ETFA: variants seen among roughly 807,000 people sequenced by gnomAD.
ETFA encodes electron transfer flavoprotein subunit alpha, mitochondrial.
Under a neutral mutation model 46.2 loss-of-function variants are expected in ETFA, and 22 were observed. The observed-to-expected ratio is 0.48, with a 90% CI of 0.34 to 0.68. The LOEUF is 0.68. Ranked by LOEUF, ETFA falls within the 30% of genes least tolerant of loss-of-function variation. The probability of loss-of-function intolerance (pLI) is 0.01; values close to 1 mark genes in which losing one functional copy is unlikely to be tolerated. For missense variants in ETFA, 345 were observed against 401.1 expected, an observed-to-expected ratio of 0.86 and a Z score of 1.19; for synonymous variants, 131 against 139.9, an observed-to-expected ratio of 0.94 and a Z score of 0.45.
chr15:76,286,631 C>T, intron 5 of ETFA, 150 bp from the exon 6 acceptor site: 1 of 670,514 alleles, frequency 1.5e-6, no homozygotes, highest in East Asian at 2.8e-5. Context: ...AAAAAATGAA[C>T]CATAACGGTG....
At chr15:76,266,665 A>T (rs1347890277) in intron 9 of ETFA, among the ~76,000 whole-genome samples, 1 of 152,174 alleles carries the variant, frequency 6.6e-6, no homozygotes, top group African/African-American at 2.4e-5. Flanking sequence ...GCACTTTGGG[A>T]GGCCAAGGCG....
At chr15:76,265,905 T>G (rs1180923414) in intron 9 of ETFA, among the ~76,000 whole-genome samples, 1 of 152,176 alleles carries the variant, frequency 6.6e-6, no homozygotes, top group Non-Finnish European at 1.5e-5. Flanking sequence ...CAGTGGCCAT[T>G]GTTGAGCCTC....
chr15:76,217,952 C>T (rs1031613289), intron 11 of ETFA, among the ~76,000 whole-genome samples: 6 of 152,356 alleles, frequency 3.9e-5, no homozygotes, highest in Middle Eastern at 6.8e-3. Flanking sequence ...CCCATGTTTA[C>T]CATGGAGCCA....
At chr15:76,295,891 A>G (rs1205294224) in intron 1 of ETFA, among the ~76,000 whole-genome samples, 154 bp from the exon 2 acceptor site, 6 of 145,808 alleles carry the variant, frequency 4.1e-5, no homozygotes, top group Non-Finnish European at 9.0e-5. Context: ...CTTGTTCTAT[A>G]GCGAAAATCT....
chr15:76,273,882 C>T (rs1042953544), intron 9 of ETFA, among the ~76,000 whole-genome samples: 14 of 152,210 alleles, frequency 9.2e-5, no homozygotes, highest in African/African-American at 3.1e-4. Flanking sequence ...TTTAGACAGG[C>T]TTAACTGAAG....
intron 9 of ETFA, among the ~76,000 whole-genome samples, chr15:76,234,597 G>C (rs2039104039): frequency 6.6e-6 from 1 of 152,142 alleles, no homozygotes. Flanking sequence ...GGAACCAACA[G>C]AAACAGAAAG....
intron 9 of ETFA, among the ~76,000 whole-genome samples, chr15:76,265,581 C>T (rs927061242): frequency 6.6e-6 from 1 of 152,180 alleles, no homozygotes; most frequent in Non-Finnish European, 1.5e-5. Flanking sequence ...CAAAAGACTT[C>T]CACGGGTATC....
intron 8 of ETFA, among the ~76,000 whole-genome samples, chr15:76,276,292 G>C (rs2039590688): frequency 6.6e-6 from 1 of 151,850 alleles, no homozygotes; most frequent in Admixed American, 6.6e-5. Flanking sequence ...CTGCTTGCAT[G>C]GTTTCTGAAA....
Position 76,231,351 on chromosome 15 carries a change from A to C in ETFA, c.864T>G (p.Ala288=). The C allele has an allele frequency of 3.1e-6, 5 of 1,606,458 alleles. No homozygotes were observed. Among genetic ancestry groups the C allele is most frequent in the Non-Finnish European group, 4.3e-6 (5 of 1,173,006 alleles). The part of the protein sequence containing the change: ...VGISGAIQHL[A]GMKDSKTIVA... ...CAATTACCTTGCTGTCTTTCATCCC[A>C]GCTAAATGTTGGATGGCTCCAGATA... Residue 288 remains alanine (A), a synonymous_variant, in exon 10 of 12, where the codon GCT becomes GCG. Coordinates refer to ENST00000557943, the MANE Select transcript of ETFA (RefSeq NM_000126.4).
intron 1 of ETFA, among the ~76,000 whole-genome samples, chr15:76,303,386 C>T (rs1481841761): frequency 6.6e-6 from 1 of 152,092 alleles, no homozygotes. Context: ...TAGGAAATGG[C>T]ATTTTGAACA....
chr15:76,240,905 C>A (rs973563267), intron 9 of ETFA, among the ~76,000 whole-genome samples: 38 of 151,226 alleles, frequency 2.5e-4, no homozygotes, highest in African/African-American at 8.5e-4. Context: ...CAGAATAAGA[C>A]CCCACCTCTA....
chr15:76,278,540 G>A (rs796266204), intron 8 of ETFA, among the ~76,000 whole-genome samples: 11 of 152,190 alleles, frequency 7.2e-5, no homozygotes, highest in African/African-American at 2.4e-4. Flanking sequence ...CAGCATTACT[G>A]GAGAAAACAT....
intron 1 of ETFA, 49 bp from the exon 2 acceptor site, chr15:76,295,786 G>GGT: frequency 9.1e-7 from 1 of 1,102,222 alleles, no homozygotes; most frequent in Non-Finnish European, 1.3e-6. Context: ...TTGTCACAGG[G>GGT]TTTTTTTTTT....
At chr15:76,221,318 TG>T (rs551042009) in intron 11 of ETFA, among the ~76,000 whole-genome samples, 2,323 of 152,274 alleles carry the variant, frequency 0.015, 23 homozygotes, top group Middle Eastern at 0.024. Flanking sequence ...TGCCAGGAGC[TG>T]GGGCTGGGGG....
intron 2 of ETFA, among the ~76,000 whole-genome samples, chr15:76,292,920 C>T (rs1214507769): frequency 2.0e-5 from 3 of 152,090 alleles, no homozygotes; most frequent in African/African-American, 7.2e-5. Context: ...GGCAGATCAC[C>T]GGAGTCAAGA....
intron 2 of ETFA, among the ~76,000 whole-genome samples, chr15:76,294,446 T>C (rs973676597): frequency 6.6e-6 from 1 of 152,198 alleles, no homozygotes; most frequent in Non-Finnish European, 1.5e-5. Flanking sequence ...TAACTAATCA[T>C]AAACCCACCA....
chr15:76,290,511 AT>A lies in ETFA; in HGVS notation c.351+1919del, dbSNP rs560733758. Reference sequence around the variant, plus strand: ...AGGCATGCACCACCACACTCAGCTAATTTTTTTTTTTCATTTTTTTGTAGAG... The same window carrying A: ...AGGCATGCACCACCACACTCAGCTAATTTTTTTTTTCATTTTTTTGTAGAG... On this transcript the variant is annotated intron_variant, in intron 4 of 11. Coordinates refer to ENST00000557943, the MANE Select transcript of ETFA (RefSeq NM_000126.4). Among the ~76,000 whole-genome samples the A allele has an allele frequency of 4.3e-3, 637 of 146,530 alleles. 8 individuals are homozygous for A. The highest frequency in any genetic ancestry group is 0.015 in the African/African-American group (602 of 40,038).
intron 1 of ETFA, among the ~76,000 whole-genome samples, chr15:76,304,598 A>G (rs2039918289): frequency 6.6e-6 from 1 of 150,894 alleles, no homozygotes; most frequent in East Asian, 1.9e-4. Flanking sequence ...TAGAAGGTTG[A>G]GGCTGCAGCG....
In ETFA at chr15:76,216,607, A is replaced by G. The variant is rs1223890959; in HGVS notation, c.964-10T>C. On this transcript the variant is annotated splice_polypyrimidine_tract_variant and intron_variant, in intron 11 of 11. Transcript: ENST00000557943. ...TCATTTCAGGAACTACCTGCAAATA[A>G]AAACAAAAAGTAATTAAGCAACTAG... The G allele has an allele frequency of 1.3e-6, 2 of 1,567,612 alleles. No homozygotes were observed. Among genetic ancestry groups the G allele is most frequent in the Non-Finnish European group, 1.8e-6 (2 of 1,137,544 alleles).
Sources: gnomAD v4.1 joint callset for allele counts (sites outside exome capture counted in the v4.1 genomes callset) on GRCh38, gnomAD v4.1.1 for gene constraint, MANE v1.5 for transcripts, NCBI Gene and HGNC (gene_info 2026-07-23, HGNC 2026-07-21) for gene names.